SLC25A13: variants seen among roughly 807,000 people sequenced by gnomAD.
The protein encoded by SLC25A13 is electrogenic aspartate/glutamate antiporter SLC25A13, mitochondrial.
A neutral mutation model predicts 85.5 loss-of-function variants in SLC25A13; 70 were observed. The ratio of observed to expected loss-of-function variants is 0.82; its 90% CI spans 0.68 to 1.00. SLC25A13 has a LOEUF of 1.00. Among genes scored for constraint, SLC25A13 ranks in the 50% least tolerant of loss-of-function variants. The pLI is 0.00. For synonymous variants in SLC25A13, 259 were observed against 288.7 expected, an observed-to-expected ratio of 0.90 and a Z score of 1.04; for missense variants, 765 against 819.8, an observed-to-expected ratio of 0.93 and a Z score of 0.82.
At chr7:96,197,763 G>A (rs1446892795) in intron 5 of SLC25A13, among the ~76,000 whole-genome samples, 3 of 152,164 alleles carry the variant, frequency 2.0e-5, no homozygotes, top group African/African-American at 4.8e-5. Context: ...CTAAAATGAA[G>A]GGGATCAGAA....
At chr7:96,183,117 A>C (rs1794483605) in intron 11 of SLC25A13, among the ~76,000 whole-genome samples, 1 of 152,198 alleles carries the variant, frequency 6.6e-6, no homozygotes, top group African/African-American at 2.4e-5. Flanking sequence ...CTGAGGTCAA[A>C]GACCTTCCAA....
At chr7:96,202,802 CTCT>C (rs2116695254) in intron 5 of SLC25A13, among the ~76,000 whole-genome samples, 1 of 152,204 alleles carries the variant, frequency 6.6e-6, no homozygotes, top group East Asian at 1.9e-4. Flanking sequence ...TTAAAACCTC[CTCT>C]TCTTCTTGTA....
chr7:96,232,060 T>G (rs1458037356), intron 4 of SLC25A13, among the ~76,000 whole-genome samples: 2 of 152,124 alleles, frequency 1.3e-5, no homozygotes, highest in Non-Finnish European at 2.9e-5. Context: ...AGAATTATCC[T>G]TCAACCCACA....
intron 15 of SLC25A13, among the ~76,000 whole-genome samples, chr7:96,122,976 C>A (rs1584336223): frequency 6.6e-6 from 1 of 152,128 alleles, no homozygotes; most frequent in Admixed American, 6.5e-5. Context: ...TCCAAACCAA[C>A]ATGGTCTGGC....
chr7:96,143,166 C>G (rs1792637829), intron 14 of SLC25A13, among the ~76,000 whole-genome samples: 1 of 152,198 alleles, frequency 6.6e-6, no homozygotes, highest in Non-Finnish European at 1.5e-5. Flanking sequence ...TCCACTGCTT[C>G]CTAACGAAGC....
chr7:96,258,670 C>A (rs1797732135), intron 3 of SLC25A13, among the ~76,000 whole-genome samples: 1 of 152,118 alleles, frequency 6.6e-6, no homozygotes, highest in Non-Finnish European at 1.5e-5. Flanking sequence ...ATGCTATTCC[C>A]ATCAAACTAC....
intron 1 of SLC25A13, among the ~76,000 whole-genome samples, chr7:96,300,472 T>C (rs2117002802): frequency 1.3e-5 from 2 of 152,342 alleles, no homozygotes; most frequent in South Asian, 4.1e-4. Flanking sequence ...ATAAATGGTA[T>C]CTATTACTAT....
At chr7:96,131,617 T>C in intron 15 of SLC25A13, 126 bp downstream of exon 15, 1 of 1,232,866 alleles carries the variant, frequency 8.1e-7, no homozygotes. Flanking sequence ...CTCTTCAATC[T>C]CTAGCAAACT....
chr7:96,152,563 A>G (rs1477118301), intron 13 of SLC25A13, among the ~76,000 whole-genome samples: 1 of 152,170 alleles, frequency 6.6e-6, no homozygotes, highest in East Asian at 1.9e-4. Flanking sequence ...TTGCTGTGTA[A>G]TAGGAACAAA....
At chr7:96,160,438 G>A (rs1000159989) in intron 13 of SLC25A13, among the ~76,000 whole-genome samples, 2 of 152,128 alleles carry the variant, frequency 1.3e-5, no homozygotes, top group African/African-American at 4.8e-5. Context: ...TAGACTACGT[G>A]GCTTATAAAC....
Position 96,252,357 on chromosome 7 carries a change from G to C in SLC25A13, c.213-17440C>G, listed in dbSNP as rs1043629495. On this transcript the variant is annotated intron_variant, in intron 3 of 17. Coordinates refer to ENST00000265631, the MANE Select transcript of SLC25A13 (RefSeq NM_014251.3). Reference sequence around the variant, plus strand: ...GAAGCAAGGATGTCCCTAGAGTTTGGGGCCTGAGCAACTGCAAGACAGAAT... The same window carrying C: ...GAAGCAAGGATGTCCCTAGAGTTTGCGGCCTGAGCAACTGCAAGACAGAAT... 5.9e-5 allele frequency among the ~76,000 whole-genome samples: 9 copies of C among 152,234 alleles called. No homozygotes were observed. The South Asian group carries it at 1.2e-3, about 21-fold the overall frequency.
At chr7:96,244,692 G>A (rs943662267) in intron 3 of SLC25A13, among the ~76,000 whole-genome samples, 22 of 152,304 alleles carry the variant, frequency 1.4e-4, no homozygotes, top group African/African-American at 4.8e-4. Flanking sequence ...ATTCCCTGGA[G>A]TGCATGTGTT....
chr7:96,320,758 G>C (rs907518108), intron 1 of SLC25A13, among the ~76,000 whole-genome samples: 2 of 152,158 alleles, frequency 1.3e-5, no homozygotes, highest in African/African-American at 4.8e-5. Context: ...CTAACAACAT[G>C]AAGAAGCCTA....
At chr7:96,200,445 T>C (rs115574278) in intron 5 of SLC25A13, among the ~76,000 whole-genome samples, 5,031 of 152,282 alleles carry the variant, frequency 0.033, 205 homozygotes, top group African/African-American at 0.096. Context: ...AAAATGAAGA[T>C]CCACATATTT....
intron 14 of SLC25A13, among the ~76,000 whole-genome samples, chr7:96,135,267 T>C (rs1471791420): frequency 6.6e-6 from 1 of 152,184 alleles, no homozygotes; most frequent in African/African-American, 2.4e-5. Context: ...GCACCTTCTC[T>C]GGTGTCTCCC....
intron 3 of SLC25A13, among the ~76,000 whole-genome samples, chr7:96,275,507 T>C (rs1469278118): frequency 6.6e-6 from 1 of 152,334 alleles, no homozygotes; most frequent in African/African-American, 2.4e-5. Context: ...AATGATAGAC[T>C]GGATTAAGAA....
intron 15 of SLC25A13, among the ~76,000 whole-genome samples, chr7:96,131,253 T>TC (rs930383544): frequency 5.3e-5 from 8 of 152,122 alleles, no homozygotes; most frequent in Non-Finnish European, 1.0e-4. Context: ...ATTACCACCA[T>TC]CCCCCCGTAA....
At chr7:96,277,155 A>G (rs1173589489) in intron 3 of SLC25A13, 41 bp downstream of exon 3, 1 of 1,522,776 alleles carries the variant, frequency 6.6e-7, no homozygotes, top group South Asian at 1.3e-5. Context: ...AAGCTGTTTC[A>G]AACAAAAAGA....
chr7:96,251,100 T>C (rs1044995488), intron 3 of SLC25A13, among the ~76,000 whole-genome samples: 1 of 151,464 alleles, frequency 6.6e-6, no homozygotes, highest in Non-Finnish European at 1.5e-5. Flanking sequence ...ATAACCACCA[T>C]GAGAAAGCCC....
Sources: allele counts gnomAD v4.1 joint callset (sites outside exome capture counted in the v4.1 genomes callset), GRCh38; gene constraint gnomAD v4.1.1; transcripts MANE v1.5; gene names NCBI Gene and HGNC (gene_info 2026-07-23, HGNC 2026-07-21).